PDK2: variants seen among roughly 807,000 people sequenced by gnomAD.
The protein encoded by PDK2 is pyruvate dehydrogenase kinase 2, also known as pyruvate dehydrogenase kinase, isozyme 2.
Under a neutral mutation model 50.4 loss-of-function variants are expected in PDK2, and 34 were observed. The observed-to-expected ratio is 0.68, with a 90% CI of 0.51 to 0.90. The LOEUF (loss-of-function observed/expected upper bound fraction) is 0.90, where lower values mean the gene tolerates loss of function less well. Ranked by LOEUF, PDK2 falls within the 40% of genes least tolerant of loss-of-function variation. The pLI is 0.00. For missense variants in PDK2, 377 were observed against 544.5 expected (o/e 0.69, Z 3.06); for synonymous variants, 232 against 216.0 (o/e 1.07, Z -0.65).
At chr17:50,102,402 C>G (rs969708294) in intron 2 of PDK2, among the ~76,000 whole-genome samples, 1 of 152,220 alleles carries the variant, frequency 6.6e-6, no homozygotes, top group Non-Finnish European at 1.5e-5. Flanking sequence ...GTGCCAGCAG[C>G]TGGGGCACTC....
Position 50,107,782 on chromosome 17 carries a change from T to C in PDK2, c.686-374T>C, listed in dbSNP as rs116902199. On this transcript the variant is annotated intron_variant, in intron 6 of 10. Coordinates refer to ENST00000503176, the MANE Select transcript of PDK2 (RefSeq NM_002611.5). ...ATAAAATGGGGTAACTCAACAGGGGTAGGGAGGAGGGGCATGTTAGATGGT... is the reference window on the plus strand; with the variant it reads ...ATAAAATGGGGTAACTCAACAGGGGCAGGGAGGAGGGGCATGTTAGATGGT... 8.0e-3 allele frequency among the ~76,000 whole-genome samples: 1,208 copies of C among 151,804 alleles called. 11 individuals carry two copies. Among genetic ancestry groups the C allele is most frequent in the Non-Finnish European group, 0.013 (916 of 67,936 alleles).
chr17:50,103,039 G>C (rs1304113157), intron 2 of PDK2, among the ~76,000 whole-genome samples: 1 of 152,254 alleles, frequency 6.6e-6, no homozygotes, highest in Non-Finnish European at 1.5e-5. Flanking sequence ...CATCAAGGCT[G>C]TTGGCAGATG....
upstream of PDK2, chr17:50,095,342 T>G: frequency 4.8e-6 from 4 of 827,080 alleles, no homozygotes; most frequent in Non-Finnish European, 7.6e-6. Flanking sequence ...AGGGCAAGGG[T>G]AGGGAGGAGG....
rs1910222076 is a variant in PDK2, at chr17:50,101,422, A to G, written c.260+3858A>G. On this transcript the variant is annotated intron_variant, in intron 2 of 10. Transcript: ENST00000503176. This position sits in a 1 kb window ranked among gnomAD's most constrained non-coding sequence, Gnocchi z 4.2. ...GACTCGGTGGCCTCTTTAGGGCACA[A>G]TCAGCAGCGGAACCCAAACCTGCCT... 1.3e-5 allele frequency among the ~76,000 whole-genome samples: 2 copies of G among 152,134 alleles called. No homozygotes were observed. Among genetic ancestry groups the G allele is most frequent in the African/African-American group, 4.8e-5 (2 of 41,416 alleles).
At chr17:50,102,561 C>T (rs1270217751) in intron 2 of PDK2, among the ~76,000 whole-genome samples, 3 of 152,106 alleles carry the variant, frequency 2.0e-5, no homozygotes, top group African/African-American at 7.2e-5. Context: ...CAGTGGGTCT[C>T]CTCCCCCTCC....
At chr17:50,108,265 A>T (rs771823423) in intron 7 of PDK2, 33 bp downstream of exon 7, 1 of 1,604,348 alleles carries the variant, frequency 6.2e-7, no homozygotes, top group South Asian at 1.1e-5. Context: ...CTTTGCGGGG[A>T]GCGTGAGTAG....
intron 2 of PDK2, 96 bp downstream of exon 2, chr17:50,097,660 T>A: frequency 6.8e-7 from 1 of 1,462,848 alleles, no homozygotes; most frequent in Non-Finnish European, 9.4e-7. Context: ...GCTTTGAGGG[T>A]GGGGTGGGGA....
At chr17:50,108,590 T>A (rs1459051748) in intron 8 of PDK2, 22 bp from the exon 9 acceptor site, 1 of 1,581,656 alleles carries the variant, frequency 6.3e-7, no homozygotes, top group South Asian at 1.1e-5. Flanking sequence ...AAAGAATCCC[T>A]GACACATCCC....
Position 50,111,809 on chromosome 17 carries a change from T to C in PDK2, c.*1712T>C, listed in dbSNP as rs1386260855. On this transcript the variant is annotated 3_prime_UTR_variant, in exon 11 of 11. Coordinates refer to ENST00000503176, the MANE Select transcript of PDK2 (RefSeq NM_002611.5). The stretch of plus-strand genomic sequence containing the variant: ...AGGCTGCTGGTAAACTCCACCCCCA[T>C]CCAGGGAGCTGGCCCCAGCCCTCAG... 1 of 152,092 alleles carries C rather than the reference T, an allele frequency of 6.6e-6. No homozygotes were observed. The highest frequency in any genetic ancestry group is 2.4e-5 in the African/African-American group (1 of 41,378). The allele number at this position is 152,092 out of a possible 1,614,324, so 9.4% of individuals were successfully genotyped here. A position where few individuals can be genotyped will look rare whatever the true frequency, so the allele number is the denominator to read the frequency against.
Position 50,109,040 on chromosome 17 carries a change from T to C in PDK2, c.970-247T>C, listed in dbSNP as rs544885343. On this transcript the variant is annotated intron_variant, in intron 9 of 10. Transcript: ENST00000503176. The surrounding 1 kb of genome is among the most constrained non-coding windows in gnomAD (Gnocchi z 5.0). ...GACTCAAAGGAGCCGTGGGGCCTGC[T>C]CTGACTTCCTGGCCCCTGAGCGGAA... Among the ~76,000 whole-genome samples the C allele has an allele frequency of 1.6e-4, 24 of 152,286 alleles. No individual in the cohort carries two copies. The South Asian group carries it at 4.8e-3, about 30-fold the overall frequency.
intron 1 of PDK2, 146 bp from the exon 2 acceptor site, chr17:50,097,277 G>A (rs938967569): frequency 2.7e-6 from 2 of 733,866 alleles, no homozygotes; most frequent in African/African-American, 3.5e-5. Context: ...GAGCCCTGCA[G>A]GGGATGGGGA....
intron 3 of PDK2, 93 bp downstream of exon 3, chr17:50,105,535 A>G: frequency 9.8e-7 from 1 of 1,024,630 alleles, no homozygotes; most frequent in Non-Finnish European, 1.5e-6. Context: ...GCAGGATGGA[A>G]GAAAAGACCC....
intron 4 of PDK2, 46 bp from the exon 5 acceptor site, chr17:50,106,748 G>A: frequency 6.6e-7 from 1 of 1,512,708 alleles, no homozygotes; most frequent in Non-Finnish European, 9.2e-7. Context: ...GGAGCGCTGG[G>A]ACAGACTGCA....
rs574384602 is a variant in PDK2 at position 50,097,451 on chromosome 17, C to T, written c.147C>T (p.Ser49=). The part of the protein sequence containing the change: ...FGSSNACEKT[S]FTFLRQELPV... ...CCAGCAATGCCTGTGAGAAAACCTC[C>T]TTCACCTTCCTCAGGCAGGAGCTGC... The change falls in exon 2 of 11, where the codon TCC becomes TCT. Residue 49 remains serine, a synonymous_variant. Coordinates refer to ENST00000503176, the MANE Select transcript of PDK2 (RefSeq NM_002611.5). 2 of 1,613,924 alleles carry T rather than the reference C, an allele frequency of 1.2e-6. No homozygotes were observed. The highest frequency in any genetic ancestry group is 2.2e-5 in the East Asian group (1 of 44,860).
At chr17:50,097,050 G>A (rs1909988119) in intron 1 of PDK2, among the ~76,000 whole-genome samples, 3 of 152,236 alleles carry the variant, frequency 2.0e-5, no homozygotes, top group Non-Finnish European at 4.4e-5. Context: ...CCTAGGTAGG[G>A]ATGGGTTTCC....
intron 2 of PDK2, chr17:50,097,778 C>G (rs951332919): frequency 1.5e-5 from 8 of 527,084 alleles, no homozygotes; most frequent in Non-Finnish European, 2.4e-5. Context: ...GTGTCTAGCC[C>G]TCTTCTTACC....
At chr17:50,097,017 G>GC (rs1909985410) in intron 1 of PDK2, among the ~76,000 whole-genome samples, 3 of 152,216 alleles carry the variant, frequency 2.0e-5, no homozygotes, top group African/African-American at 7.2e-5. Flanking sequence ...TCTAGCCATA[G>GC]CCCCCCTCAG....
intron 1 of PDK2, 64 bp from the exon 2 acceptor site, chr17:50,097,359 G>A: frequency 1.9e-6 from 3 of 1,563,392 alleles, no homozygotes; most frequent in Non-Finnish European, 2.6e-6. Flanking sequence ...AGCTGACCTG[G>A]CCGAGACATC....
chr17:50,108,049 A>C, intron 6 of PDK2, 107 bp from the exon 7 acceptor site: 1 of 819,672 alleles, frequency 1.2e-6, no homozygotes, highest in Non-Finnish European at 2.1e-6. Flanking sequence ...CTCGCTGGGC[A>C]GCCATGTACT....
Sources: gnomAD v4.1 joint callset for allele counts (sites outside exome capture counted in the v4.1 genomes callset) on GRCh38, gnomAD v4.1.1 for gene constraint, Gnocchi (gnomAD v3.1) non-coding constraint, MANE v1.5 for transcripts, NCBI Gene and HGNC (gene_info 2026-07-23, HGNC 2026-07-21) for gene names.